Variants in NREP observed in about 807,000 individuals in gnomAD.
The protein encoded by NREP is neuronal regeneration-related protein.
NREP carries 5 observed loss-of-function variants against 8.6 expected under a neutral mutation model. The observed-to-expected ratio is 0.58, with a 90% CI of 0.30 to 1.22. NREP has a LOEUF of 1.22. Ranked by LOEUF, NREP falls within the 50% of genes most tolerant of loss-of-function variation. NREP has a pLI of 0.07. For missense variants in NREP, 86 were observed against 82.5 expected (o/e 1.04, Z -0.17); for synonymous variants, 27 against 28.0 (o/e 0.96, Z 0.11).
chr5:111,810,822 T>A (rs1421580427), intron 2 of NREP, among the ~76,000 whole-genome samples: 9 of 152,210 alleles, frequency 5.9e-5, no homozygotes, highest in Non-Finnish European at 1.2e-4. Flanking sequence ...GTTACTGAAT[T>A]GTGTGAGTCC....
intron 2 of NREP, among the ~76,000 whole-genome samples, chr5:111,834,664 T>C (rs1752851731): frequency 6.6e-6 from 1 of 152,150 alleles, no homozygotes; most frequent in Non-Finnish European, 1.5e-5. Flanking sequence ...GAAACTTGAG[T>C]TGAAGAGCCA....
intron 2 of NREP, among the ~76,000 whole-genome samples, chr5:111,885,388 T>C (rs1754214063): frequency 6.6e-6 from 1 of 151,662 alleles, no homozygotes; most frequent in Non-Finnish European, 1.5e-5. Flanking sequence ...ATCGTGAAAA[T>C]GGCCATACTG....
At chr5:111,882,935 C>A (rs1754128125) in intron 2 of NREP, among the ~76,000 whole-genome samples, 2 of 152,318 alleles carry the variant, frequency 1.3e-5, no homozygotes, top group Admixed American at 6.5e-5. Context: ...GCAAAATAAC[C>A]AGCTAACATC....
At chr5:111,888,325 T>A (rs1754310821) in intron 2 of NREP, among the ~76,000 whole-genome samples, 1 of 147,726 alleles carries the variant, frequency 6.8e-6, no homozygotes, top group Non-Finnish European at 1.5e-5. Flanking sequence ...GACTCACAGT[T>A]CCCCATTGCT....
intron 2 of NREP, among the ~76,000 whole-genome samples, chr5:111,755,020 T>C (rs1750611844): frequency 6.6e-6 from 1 of 152,164 alleles, no homozygotes; most frequent in South Asian, 2.1e-4. Flanking sequence ...ATATTTCTAT[T>C]ATTTTTTTTA....
intron 2 of NREP, among the ~76,000 whole-genome samples, chr5:111,907,230 G>A (rs1754800196): frequency 6.6e-6 from 1 of 151,910 alleles, no homozygotes; most frequent in Non-Finnish European, 1.5e-5. Flanking sequence ...CATAGATTAT[G>A]TCTTTGATAT....
chr5:111,861,501 T>C (rs143931244), intron 2 of NREP, among the ~76,000 whole-genome samples: 2 of 152,298 alleles, frequency 1.3e-5, no homozygotes, highest in Non-Finnish European at 2.9e-5. Flanking sequence ...TCTGTGCTTA[T>C]TGTACCTTCC....
chr5:111,871,222 T>G (rs1454280436), intron 2 of NREP, among the ~76,000 whole-genome samples: 1 of 152,156 alleles, frequency 6.6e-6, no homozygotes, highest in East Asian at 1.9e-4. Flanking sequence ...TGGTAGAGCC[T>G]ATTGCTCTCC....
At chr5:111,754,285 C>T (rs886841312) in intron 2 of NREP, among the ~76,000 whole-genome samples, 3 of 152,214 alleles carry the variant, frequency 2.0e-5, no homozygotes, top group Non-Finnish European at 4.4e-5. Flanking sequence ...GCTCATTCTA[C>T]TTACTACTAC....
chr5:111,865,727 G>A (rs1039661373), intron 2 of NREP, among the ~76,000 whole-genome samples: 2 of 152,138 alleles, frequency 1.3e-5, no homozygotes, highest in African/African-American at 2.4e-5. Flanking sequence ...TATGGGTAAA[G>A]CTGAATTCTA....
intron 2 of NREP, among the ~76,000 whole-genome samples, chr5:111,973,452 G>C (rs1283388368): frequency 6.6e-6 from 1 of 152,158 alleles, no homozygotes; most frequent in Admixed American, 6.5e-5. Flanking sequence ...AGTCATTTGA[G>C]TAGAATGGAG....
intron 2 of NREP, among the ~76,000 whole-genome samples, chr5:111,925,590 C>T (rs1388878237): frequency 6.6e-6 from 1 of 152,146 alleles, no homozygotes; most frequent in African/African-American, 2.4e-5. Flanking sequence ...ATATCAGGGG[C>T]TGCCTGAGTA....
chr5:111,744,232 T>C (rs1014881340), intron 2 of NREP, among the ~76,000 whole-genome samples: 2 of 152,298 alleles, frequency 1.3e-5, no homozygotes, highest in East Asian at 3.9e-4. Context: ...AGCATTTAGC[T>C]AAAGTTATTT....
At chr5:111,903,886 C>A (rs1754712086) in intron 2 of NREP, among the ~76,000 whole-genome samples, 1 of 152,120 alleles carries the variant, frequency 6.6e-6, no homozygotes, top group Non-Finnish European at 1.5e-5. Flanking sequence ...GATCTTATCA[C>A]TGGCTGAAAG....
chr5:111,824,754 G>C (rs903240672), intron 2 of NREP, among the ~76,000 whole-genome samples: 3 of 152,116 alleles, frequency 2.0e-5, no homozygotes, highest in Non-Finnish European at 2.9e-5. Flanking sequence ...AATTCCATAC[G>C]TATTTTTGTA....
At chr5:111,799,032 A>G (rs1050207724) in intron 2 of NREP, among the ~76,000 whole-genome samples, 2 of 152,176 alleles carry the variant, frequency 1.3e-5, no homozygotes, top group Admixed American at 1.3e-4. Flanking sequence ...ACTAGTTTGC[A>G]TTCCCACCAA....
intron 2 of NREP, among the ~76,000 whole-genome samples, chr5:111,947,559 T>G (rs181747706): frequency 6.6e-6 from 1 of 152,152 alleles, no homozygotes; most frequent in East Asian, 1.9e-4. Context: ...CCTTAAATTT[T>G]ATTAAATTAT....
chr5:111,778,882 T>C (rs1751425104), intron 2 of NREP, among the ~76,000 whole-genome samples: 2 of 152,152 alleles, frequency 1.3e-5, no homozygotes, highest in Admixed American at 6.6e-5. Context: ...AGTTCTTTGG[T>C]TACCAAGGAT....
At chr5:111,966,834 T>C (rs1756655899) in intron 2 of NREP, among the ~76,000 whole-genome samples, 1 of 152,340 alleles carries the variant, frequency 6.6e-6, no homozygotes, top group South Asian at 2.1e-4. Context: ...TTTTGTCCAC[T>C]ATGTAAGGGA....
Sources: allele counts gnomAD v4.1 joint callset (sites outside exome capture counted in the v4.1 genomes callset), GRCh38; gene constraint gnomAD v4.1.1; transcripts MANE v1.5; gene names NCBI Gene and HGNC (gene_info 2026-07-23, HGNC 2026-07-21).